FNDC1: variants seen among roughly 807,000 people sequenced by gnomAD.
The protein encoded by FNDC1 is fibronectin type III domain-containing protein 1.
A neutral mutation model predicts 168.0 loss-of-function variants in FNDC1; 96 were observed. The observed-to-expected ratio is 0.57, with a 90% confidence interval of 0.48 to 0.68. FNDC1 has a LOEUF of 0.68. FNDC1 is among the 30% of genes least tolerant of loss of function. The pLI is 0.00. For missense variants in FNDC1, 2,587 were observed against 2,482.1 expected (o/e 1.04, Z -0.90); for synonymous variants, 1,099 against 1,025.9 (o/e 1.07, Z -1.36).
At chr6:159,257,258 C>T (rs1777393223) in intron 18 of FNDC1, among the ~76,000 whole-genome samples, 1 of 152,148 alleles carries the variant, frequency 6.6e-6, no homozygotes, top group Non-Finnish European at 1.5e-5. Flanking sequence ...CGGAAAGCTC[C>T]TGGGTGGGTG....
At chr6:159,246,079 T>G (rs1246444433) in intron 14 of FNDC1, among the ~76,000 whole-genome samples, 3 of 152,218 alleles carry the variant, frequency 2.0e-5, no homozygotes, top group Non-Finnish European at 4.4e-5. Flanking sequence ...TAATAGTTCT[T>G]CTAACCAGGG....
At chr6:159,174,471 C>A (rs1781723823) in intron 1 of FNDC1, among the ~76,000 whole-genome samples, 1 of 152,240 alleles carries the variant, frequency 6.6e-6, no homozygotes, top group Non-Finnish European at 1.5e-5. Flanking sequence ...CTTCTGGAGC[C>A]GAAGCCACCA....
rs1458375308 is a variant in FNDC1 at position 159,239,760 on chromosome 6, GCACGACCACCACCCGCC to G, written c.4425_4441del (p.Thr1476HisfsTer42). On this transcript the variant is annotated frameshift_variant, in exon 14 of 23. Coordinates refer to ENST00000297267, the MANE Select transcript of FNDC1 (RefSeq NM_032532.3). LOFTEE classifies it high-confidence loss of function. ...AGGCCCACCACTGCCACCACCCGCC[GCACGACCACCACCCGCC>G]GCACGACCACCAGGCGTCCAACAAC... 1 of 30,532 alleles carries G rather than the reference GCACGACCACCACCCGCC, an allele frequency of 3.3e-5. No homozygotes were observed. The highest frequency in any genetic ancestry group is 6.4e-5 in the Non-Finnish European group (1 of 15,650). 1.9% of individuals were successfully genotyped at this position (30,532 alleles called of 1,614,324 possible). A position where few individuals can be genotyped will look rare whatever the true frequency, so the allele number is the denominator to read the frequency against.
chr6:159,264,186 A>G (rs1165178244), intron 19 of FNDC1, among the ~76,000 whole-genome samples: 1 of 152,222 alleles, frequency 6.6e-6, no homozygotes, highest in African/African-American at 2.4e-5. Flanking sequence ...TAGTGAGCAT[A>G]TCCATCTGCT....
At chr6:159,226,620 C>A in intron 9 of FNDC1, 40 bp downstream of exon 9, 1 of 1,463,428 alleles carries the variant, frequency 6.8e-7, no homozygotes, top group Non-Finnish European at 9.4e-7. Context: ...TGCATTGATT[C>A]TGATGAACAT....
chr6:159,183,421 G>A (rs1781924071), intron 1 of FNDC1, among the ~76,000 whole-genome samples: 1 of 152,200 alleles, frequency 6.6e-6, no homozygotes, highest in Non-Finnish European at 1.5e-5. Context: ...TCATCCCTCA[G>A]ACCTCTGCGT....
At chr6:159,220,635 G>C (rs749453153) in intron 5 of FNDC1, among the ~76,000 whole-genome samples, 4 of 152,190 alleles carry the variant, frequency 2.6e-5, no homozygotes, top group Non-Finnish European at 5.9e-5. Context: ...TTTTACCTGG[G>C]TCTCAGACTT....
At chr6:159,211,555 G>C (rs939019696) in intron 4 of FNDC1, among the ~76,000 whole-genome samples, 4 of 152,102 alleles carry the variant, frequency 2.6e-5, no homozygotes, top group African/African-American at 9.7e-5. Context: ...CTCACATTTG[G>C]TTCTTTGAAA....
At chr6:159,183,366 A>C (rs1781923094) in intron 1 of FNDC1, among the ~76,000 whole-genome samples, 1 of 152,110 alleles carries the variant, frequency 6.6e-6, no homozygotes, top group Admixed American at 6.5e-5. Flanking sequence ...CCATGATGCA[A>C]CTTTTTTCTG....
chr6:159,202,276 C>T (rs1442989674), intron 4 of FNDC1, among the ~76,000 whole-genome samples: 1 of 152,132 alleles, frequency 6.6e-6, no homozygotes, highest in Non-Finnish European at 1.5e-5. Flanking sequence ...AATGCACAGA[C>T]TAGGTTAAAG....
intron 5 of FNDC1, among the ~76,000 whole-genome samples, chr6:159,216,087 G>A (rs944813439): frequency 2.6e-5 from 4 of 151,938 alleles, no homozygotes; most frequent in Non-Finnish European, 5.9e-5. Context: ...TCAGCCTCCC[G>A]AGTAGCTGGG....
chr6:159,269,519 C>T (rs58028222), intron 22 of FNDC1, among the ~76,000 whole-genome samples: 6 of 100,032 alleles, frequency 6.0e-5, no homozygotes, highest in Non-Finnish European at 1.0e-4. Flanking sequence ...TCCATGCATC[C>T]ATCCATCCAT....
At chr6:159,174,476 C>T (rs553191040) in intron 1 of FNDC1, among the ~76,000 whole-genome samples, 2 of 152,390 alleles carry the variant, frequency 1.3e-5, no homozygotes, top group South Asian at 2.1e-4. Flanking sequence ...GGAGCCGAAG[C>T]CACCACCCGC....
Position 159,197,617 on chromosome 6 carries a change from A to G in FNDC1, c.296A>G (p.Glu99Gly), listed in dbSNP as rs371677794. 1.4e-5 allele frequency: 22 copies of G among 1,611,148 alleles called. No homozygotes were observed. Among genetic ancestry groups the G allele is most frequent in the Non-Finnish European group, 1.7e-5 (20 of 1,178,592 alleles). The stretch of plus-strand genomic sequence containing the variant: ...GCGGAGACATACTCCTTCCTTATTG[A>G]GGATGTGGGTAAGTGACACTCTGAT... ...VNAETYSFLIEDVEPGVVYFV... is the reference protein window; with the variant it reads ...VNAETYSFLIGDVEPGVVYFV... Residue 99 changes from glutamate (E) to glycine (G), a missense_variant, in exon 2 of 23, where the codon GAG becomes GGG. By Grantham distance (98) the Glu-to-Gly change is moderately conservative. Coordinates refer to ENST00000297267, the MANE Select transcript of FNDC1 (RefSeq NM_032532.3).
intron 22 of FNDC1, among the ~76,000 whole-genome samples, chr6:159,270,033 T>TA (rs1052637445): frequency 1.3e-5 from 2 of 152,098 alleles, no homozygotes; most frequent in African/African-American, 4.8e-5. Flanking sequence ...CTACAAAAAG[T>TA]AAAAAAATTA....
At chr6:159,210,017 A>C (rs1400754930) in intron 4 of FNDC1, among the ~76,000 whole-genome samples, 1 of 152,234 alleles carries the variant, frequency 6.6e-6, no homozygotes, top group Non-Finnish European at 1.5e-5. Flanking sequence ...GGAATAGTGC[A>C]CTGAGCAGAT....
intron 5 of FNDC1, among the ~76,000 whole-genome samples, chr6:159,217,037 G>A (rs150174248): frequency 2.7e-4 from 41 of 152,230 alleles, no homozygotes; most frequent in African/African-American, 9.9e-4. Flanking sequence ...TGGGAGCGGT[G>A]GGGAAGGTGC....
intron 19 of FNDC1, among the ~76,000 whole-genome samples, chr6:159,264,323 A>G (rs766366300): frequency 6.6e-6 from 1 of 152,226 alleles, no homozygotes; most frequent in Non-Finnish European, 1.5e-5. Flanking sequence ...TTTGGGTATC[A>G]GTAGACTCAT....
intron 7 of FNDC1, among the ~76,000 whole-genome samples, chr6:159,224,256 T>C (rs1347886944): frequency 6.6e-6 from 1 of 152,216 alleles, no homozygotes; most frequent in East Asian, 1.9e-4. Flanking sequence ...AAACCAATCA[T>C]AAGGTTAAAA....
Sources: allele counts gnomAD v4.1 joint callset (sites outside exome capture counted in the v4.1 genomes callset), GRCh38; gene constraint gnomAD v4.1.1; transcripts MANE v1.5; gene names NCBI Gene and HGNC (gene_info 2026-07-23, HGNC 2026-07-21).